Variants in TP53AIP1 observed in about 807,000 individuals in gnomAD.
TP53AIP1 encodes the protein p53-regulated apoptosis-inducing protein 1.
TP53AIP1 carries 14 observed loss-of-function variants against 9.5 expected under a neutral mutation model. That is an observed-to-expected ratio of 1.47 (90% CI 0.97 to 2.30). The LOEUF (loss-of-function observed/expected upper bound fraction) is 2.30. TP53AIP1 is among the 30% of genes most tolerant of loss of function. TP53AIP1 has a pLI of 0.00. For missense variants in TP53AIP1, 153 were observed against 146.7 expected (o/e 1.04, Z -0.22); for synonymous variants, 73 against 61.2 (o/e 1.19, Z -0.90).
chr11:128,936,692 T>C, intron 2 of TP53AIP1, 43 bp from the exon 3 acceptor site: 1 of 1,535,716 alleles, frequency 6.5e-7, no homozygotes, highest in Non-Finnish European at 8.7e-7. Context: ...TGCAGCGCCG[T>C]CTCTTGGATG....
At chr11:128,940,678 T>C (rs1449687211) in intron 1 of TP53AIP1, among the ~76,000 whole-genome samples, 1 of 152,182 alleles carries the variant, frequency 6.6e-6, no homozygotes, top group Admixed American at 6.5e-5. Flanking sequence ...AATCGCCCAC[T>C]CTCCGGGGTT....
Position 128,937,044 on chromosome 11 carries a change from C to T in TP53AIP1, c.142-395G>A, listed in dbSNP as rs1268750461. 9.5e-7 allele frequency: 1 copy of T among 1,052,980 alleles called. No homozygotes were observed. Among genetic ancestry groups the T allele is most frequent in the South Asian group, 3.7e-5 (1 of 26,906 alleles). The allele number at this position is 1,052,980 out of a possible 1,614,324, so 65.2% of individuals were successfully genotyped here. On this transcript the variant is annotated intron_variant, in intron 2 of 3. Transcript: ENST00000531399. This position sits in a 1 kb window ranked among gnomAD's most constrained non-coding sequence, Gnocchi z 4.8. ...TCCAGGGAGGTGTAGGCGCTCCTGG[C>T]TCCTGGCAGACTCCTGGCCCAGGCC...
At position 128,935,838 on chromosome 11, in the gene TP53AIP1, T is replaced by A. The variant is rs955170517; in HGVS notation, c.254-126A>T. The stretch of plus-strand genomic sequence containing the variant: ...GAATTTCAGTGAATCTAAAACACAA[T>A]CCATTGTAAGGCACATCATTATTCT... On this transcript the variant is annotated intron_variant, in intron 3 of 3. Transcript: ENST00000531399. The A allele has an allele frequency of 5.8e-6, 8 of 1,370,662 alleles. No individual in the cohort carries two copies. In the Admixed American group the frequency reaches 2.5e-4, roughly 44 times the overall value. 84.9% of individuals were successfully genotyped at this position (1,370,662 alleles called of 1,614,324 possible). A position where few individuals can be genotyped will look rare whatever the true frequency, so the allele number is the denominator to read the frequency against.
At chr11:128,940,507 C>T (rs531553961) in intron 1 of TP53AIP1, among the ~76,000 whole-genome samples, 5 of 152,256 alleles carry the variant, frequency 3.3e-5, no homozygotes, top group Non-Finnish European at 4.4e-5. Context: ...CACTCGTTGC[C>T]CTTCCACCTT....
rs1468771834 is a variant in TP53AIP1, at chr11:128,937,101, G to T, written c.142-452C>A. 7 of 1,049,502 alleles carry T rather than the reference G, an allele frequency of 6.7e-6. No individual in the cohort carries two copies. In the South Asian group the frequency reaches 2.3e-4, roughly 35 times the overall value. 65.0% of individuals were successfully genotyped at this position (1,049,502 alleles called of 1,614,324 possible). A position where few individuals can be genotyped will look rare whatever the true frequency, so the allele number is the denominator to read the frequency against. On this transcript the variant is annotated intron_variant, in intron 2 of 3. Transcript: ENST00000531399. The surrounding 1 kb of genome is among the most constrained non-coding windows in gnomAD (Gnocchi z 4.8). ...GTGTCTGCTTCCGGAGCCATGCGCT[G>T]CCTGTGCTGGGATGAATGCATGGCC...
chr11:128,935,915 C>G (rs753625355), intron 3 of TP53AIP1: 35 of 1,297,566 alleles, frequency 2.7e-5, no homozygotes, highest in Admixed American at 3.6e-5. Context: ...ATCAAATGGG[C>G]CAACAAAAAT....
intron 3 of TP53AIP1, 152 bp from the exon 4 acceptor site, chr11:128,935,864 A>C (rs1944812368): frequency 7.4e-7 from 1 of 1,346,528 alleles, no homozygotes; most frequent in East Asian, 2.7e-5. Context: ...TCATTATTCT[A>C]TCTCCCAAGA....
chr11:128,941,765 C>G (rs1944947871), intron 1 of TP53AIP1, among the ~76,000 whole-genome samples: 1 of 152,244 alleles, frequency 6.6e-6, no homozygotes, highest in Non-Finnish European at 1.5e-5. Context: ...TTCCTTGTAC[C>G]AGGACTTGGT....
downstream of TP53AIP1, among the ~76,000 whole-genome samples, chr11:128,935,204 C>G (rs1337790893): frequency 6.6e-6 from 1 of 152,260 alleles, no homozygotes; most frequent in Non-Finnish European, 1.5e-5. Flanking sequence ...CAAACCCGCA[C>G]TTCTCAAACC....
chr11:128,936,117 G>A, intron 3 of TP53AIP1: 2 of 968,954 alleles, frequency 2.1e-6, no homozygotes, highest in Non-Finnish European at 2.5e-6. Context: ...TCCTGCCCAT[G>A]TACACACAGC....
At position 128,937,767 on chromosome 11, in the gene TP53AIP1, C is replaced by T; in HGVS notation, c.52G>A (p.Gly18Arg). The change falls in exon 2 of 4, where the codon GGG becomes AGG. Residue 18 changes from glycine to arginine, a missense_variant. Physicochemically the swap from Gly to Arg is moderately radical, Grantham distance 125 (BLOSUM62 -2). Coordinates refer to ENST00000531399, the MANE Select transcript of TP53AIP1 (RefSeq NM_022112.3). This position sits in a 1 kb window ranked among gnomAD's most constrained non-coding sequence, Gnocchi z 4.8. Reference sequence around the variant, plus strand: ...CTGCCCAGGCCCTGCCTCCTGGCCCCACTGCAGGAAGCTTGAGCAGATCTG... The same window carrying T: ...CTGCCCAGGCCCTGCCTCCTGGCCCTACTGCAGGAAGCTTGAGCAGATCTG... ...SFRSAQASCSGARRQGLGRGD... is the reference protein window; with the variant it reads ...SFRSAQASCSRARRQGLGRGD... 1 of 1,614,048 alleles carries T rather than the reference C, an allele frequency of 6.2e-7. No homozygotes were observed. The highest frequency in any genetic ancestry group is 8.5e-7 in the Non-Finnish European group (1 of 1,180,012).
At chr11:128,934,878 G>A (rs1267158502), downstream of TP53AIP1, 32 of 641,340 alleles carry the variant, frequency 5.0e-5, no homozygotes, top group Non-Finnish European at 6.2e-5. Flanking sequence ...GGGGATCCTC[G>A]GAAGTGTCAT....
intron 2 of TP53AIP1, 69 bp from the exon 3 acceptor site, chr11:128,936,718 G>T: frequency 6.7e-7 from 1 of 1,503,426 alleles, no homozygotes. Context: ...TTCTTCTCTG[G>T]CAGGTTTTCC....
At position 128,937,743 on chromosome 11, in the gene TP53AIP1, T is replaced by G; in HGVS notation, c.76A>C (p.Arg26=). ...ATCACCGAGAGGTTCTGGTCTCCCC[T>G]GCCCAGGCCCTGCCTCCTGGCCCCA... is the stretch of plus-strand genomic sequence containing the variant. ...CSGARRQGLG[R]GDQNLSVMPP... The change falls in exon 2 of 4, where the codon AGG becomes CGG. Residue 26 remains arginine (R), a synonymous_variant. Coordinates refer to ENST00000531399, the MANE Select transcript of TP53AIP1 (RefSeq NM_022112.3). The surrounding 1 kb of genome is among the most constrained non-coding windows in gnomAD (Gnocchi z 4.8). 6.2e-7 allele frequency: 1 copy of G among 1,613,948 alleles called. No individual in the cohort carries two copies. Among genetic ancestry groups the G allele is most frequent in the Non-Finnish European group, 8.5e-7 (1 of 1,179,986 alleles).
At chr11:128,942,031 C>T (rs1360275569) in intron 1 of TP53AIP1, among the ~76,000 whole-genome samples, 1 of 137,698 alleles carries the variant, frequency 7.3e-6, no homozygotes, top group Non-Finnish European at 1.7e-5. Context: ...TTCTGGGGGG[C>T]TGTGGACACT....
At chr11:128,936,678 G>A in intron 2 of TP53AIP1, 29 bp from the exon 3 acceptor site, 1 of 1,549,572 alleles carries the variant, frequency 6.5e-7, no homozygotes, top group Non-Finnish European at 8.7e-7. Flanking sequence ...AGACTGTGAG[G>A]CCCTGCAGCG....
rs1455666954 is a variant in TP53AIP1 at position 128,939,970 on chromosome 11, G to C, written c.-76-2076C>G. Among the ~76,000 whole-genome samples, 1 of 152,176 alleles carries C rather than the reference G, an allele frequency of 6.6e-6. No individual in the cohort carries two copies. Among genetic ancestry groups the C allele is most frequent in the Non-Finnish European group, 1.5e-5 (1 of 68,032 alleles). ...ACGGCCAGTGGTCCCGGGATATCCA[G>C]GGAGCCACTCAGAGGGGACACTTCC... On this transcript the variant is annotated intron_variant, in intron 1 of 3. Coordinates refer to ENST00000531399, the MANE Select transcript of TP53AIP1 (RefSeq NM_022112.3). This position sits in a 1 kb window ranked among gnomAD's most constrained non-coding sequence, Gnocchi z 4.1.
chr11:128,941,372 GGGT>G (rs1944939091), intron 1 of TP53AIP1, among the ~76,000 whole-genome samples: 1 of 152,158 alleles, frequency 6.6e-6, no homozygotes. Context: ...CCTCCCAGCT[GGGT>G]GGATCCCTCC....
Position 128,937,933 on chromosome 11 carries a change from G to C in TP53AIP1, c.-76-39C>G. On this transcript the variant is annotated intron_variant, in intron 1 of 3. Transcript: ENST00000531399. The surrounding 1 kb of genome is among the most constrained non-coding windows in gnomAD (Gnocchi z 4.8). ...AAACAGGCTATGAACAGAAGCAGTG[G>C]TGGCAGCGCTGGGCCAGCAATGATG... 1 of 1,130,444 alleles carries C rather than the reference G, an allele frequency of 8.8e-7. No individual in the cohort carries two copies. The highest frequency in any genetic ancestry group is 1.6e-5 in the African/African-American group (1 of 63,718). 70.0% of individuals were successfully genotyped at this position (1,130,444 alleles called of 1,614,324 possible).
Sources: gnomAD v4.1 joint callset for allele counts (sites outside exome capture counted in the v4.1 genomes callset) on GRCh38, gnomAD v4.1.1 for gene constraint, Gnocchi (gnomAD v3.1) non-coding constraint, MANE v1.5 for transcripts, NCBI Gene and HGNC (gene_info 2026-07-23, HGNC 2026-07-21) for gene names.